The following TAF3 variants were observed in gnomAD, a reference collection of about 807,000 sequenced individuals.
TAF3 encodes TATA-box binding protein associated factor 3, also known as transcription initiation factor TFIID subunit 3.
A neutral mutation model predicts 80.6 loss-of-function variants in TAF3; 7 were observed. The observed-to-expected ratio is 0.09, with a 90% CI of 0.05 to 0.16. TAF3 has a LOEUF of 0.16. Ranked by LOEUF, TAF3 falls within the 10% of genes least tolerant of loss-of-function variation. TAF3 has a pLI of 1.00. For missense variants in TAF3, 921 were observed against 1,140.2 expected (o/e 0.81, Z 2.77); for synonymous variants, 444 against 446.1 (o/e 1.00, Z 0.06).
chr10:7,862,526 A>T (rs1321223216), intron 2 of TAF3, among the ~76,000 whole-genome samples: 1 of 152,188 alleles, frequency 6.6e-6, no homozygotes, highest in Non-Finnish European at 1.5e-5. Context: ...TAATTGAGGC[A>T]TAATTTATGT....
intron 2 of TAF3, among the ~76,000 whole-genome samples, chr10:7,915,225 A>G (rs1837698678): frequency 6.6e-6 from 1 of 150,536 alleles, no homozygotes. Flanking sequence ...CGGGCAGGGC[A>G]TGAGCCACTG....
At chr10:7,838,430 A>G (rs999365182) in intron 2 of TAF3, among the ~76,000 whole-genome samples, 6 of 152,022 alleles carry the variant, frequency 3.9e-5, no homozygotes, top group African/African-American at 1.2e-4. Flanking sequence ...TGCCCAGGCC[A>G]GAGTGCAGTG....
At chr10:7,930,548 T>G (rs2131196861) in intron 2 of TAF3, among the ~76,000 whole-genome samples, 1 of 152,306 alleles carries the variant, frequency 6.6e-6, no homozygotes, top group African/African-American at 2.4e-5. Context: ...GTACAATTGC[T>G]TCTTTTTGTT....
intron 2 of TAF3, among the ~76,000 whole-genome samples, chr10:7,961,182 A>C (rs1838186365): frequency 6.6e-6 from 1 of 152,192 alleles, no homozygotes; most frequent in Admixed American, 6.5e-5. Context: ...ACATGAAAGC[A>C]AACAGAGTTG....
rs188077732 is a variant in TAF3, at chr10:8,010,175, G to A, written c.2568+845G>A. ...ACCCATTTCTGCCTCCCAACGTGCT[G>A]AGATGACAGGCATGAACAACCATGC... On this transcript the variant is annotated intron_variant, in intron 5 of 6. Transcript: ENST00000344293. 1.2e-3 allele frequency among the ~76,000 whole-genome samples: 180 copies of A among 152,302 alleles called. 1 individual carries two copies. The highest frequency in any genetic ancestry group is 9.5e-3 in the South Asian group (46 of 4,820).
At chr10:7,895,076 A>G (rs191958138) in intron 2 of TAF3, among the ~76,000 whole-genome samples, 60 of 152,248 alleles carry the variant, frequency 3.9e-4, no homozygotes, top group Non-Finnish European at 5.9e-4. Flanking sequence ...GAGTTTCACC[A>G]TGTTTGCCAG....
chr10:7,902,849 A>C (rs921989403), intron 2 of TAF3, among the ~76,000 whole-genome samples: 20 of 152,132 alleles, frequency 1.3e-4, no homozygotes, highest in African/African-American at 4.6e-4. Context: ...TCCATTTAAG[A>C]AAAAAAGAAT....
At chr10:7,917,642 G>A (rs748171057) in intron 2 of TAF3, among the ~76,000 whole-genome samples, 9 of 152,184 alleles carry the variant, frequency 5.9e-5, no homozygotes, top group Non-Finnish European at 7.3e-5. Flanking sequence ...AGAATAGGTC[G>A]GGTTCTGAGG....
intron 2 of TAF3, among the ~76,000 whole-genome samples, chr10:7,858,833 C>CGT (rs1485648418): frequency 1.3e-5 from 2 of 151,026 alleles, no homozygotes; most frequent in Non-Finnish European, 3.0e-5. Flanking sequence ...TGTGTGCGCG[C>CGT]GCCTGCATGT....
chr10:7,945,486 C>T (rs1012966685), intron 2 of TAF3, among the ~76,000 whole-genome samples: 10 of 152,196 alleles, frequency 6.6e-5, no homozygotes, highest in Non-Finnish European at 1.0e-4. Context: ...TCTCTACCTG[C>T]CTTCCTTGGT....
intron 2 of TAF3, among the ~76,000 whole-genome samples, chr10:7,836,532 C>A (rs533849380): frequency 2.1e-4 from 32 of 152,256 alleles, no homozygotes; most frequent in South Asian, 1.2e-3. Context: ...CCTTGGCCTC[C>A]CAAAGTGCTG....
At chr10:7,935,501 G>A (rs1176486386) in intron 2 of TAF3, among the ~76,000 whole-genome samples, 3 of 148,912 alleles carry the variant, frequency 2.0e-5, no homozygotes, top group Non-Finnish European at 4.5e-5. Context: ...GGAGAATGGC[G>A]TGAACCCGGG....
intron 2 of TAF3, among the ~76,000 whole-genome samples, chr10:7,958,883 C>T (rs1838162256): frequency 6.6e-6 from 1 of 152,040 alleles, no homozygotes; most frequent in Non-Finnish European, 1.5e-5. Flanking sequence ...GCCTGTAATC[C>T]CAGCACTTTG....
At chr10:7,858,748 A>G (rs1837108150) in intron 2 of TAF3, among the ~76,000 whole-genome samples, 1 of 152,144 alleles carries the variant, frequency 6.6e-6, no homozygotes, top group South Asian at 2.1e-4. Context: ...GTTAGCAGCT[A>G]TGAATTATTT....
chr10:7,916,971 A>G (rs764119067), intron 2 of TAF3, among the ~76,000 whole-genome samples: 1 of 152,232 alleles, frequency 6.6e-6, no homozygotes, highest in Admixed American at 6.5e-5. Flanking sequence ...TCGAAAGAAC[A>G]TAGGCTTTGG....
intron 3 of TAF3, among the ~76,000 whole-genome samples, chr10:7,973,121 C>G (rs907771318): frequency 2.0e-5 from 3 of 152,154 alleles, no homozygotes; most frequent in African/African-American, 7.2e-5. Context: ...GGGAATAACA[C>G]CATCCACACC....
intron 2 of TAF3, 53 bp downstream of exon 2, chr10:7,824,613 A>G (rs1244472): frequency 1.3e-6 from 2 of 1,576,706 alleles, no homozygotes; most frequent in African/African-American, 2.7e-5. Context: ...TGGATTTTTA[A>G]TCCTCTTAGC....
At chr10:7,907,709 A>C (rs1255568318) in intron 2 of TAF3, among the ~76,000 whole-genome samples, 1 of 152,206 alleles carries the variant, frequency 6.6e-6, no homozygotes, top group Non-Finnish European at 1.5e-5. Context: ...CTCCCAGGTA[A>C]GCTCTTTCTT....
At chr10:7,894,918 C>T (rs1484205146) in intron 2 of TAF3, among the ~76,000 whole-genome samples, 1 of 152,104 alleles carries the variant, frequency 6.6e-6, no homozygotes, top group African/African-American at 2.4e-5. Context: ...CTCTGCCACC[C>T]AGGCTGGAGT....
Sources: allele counts gnomAD v4.1 joint callset (sites outside exome capture counted in the v4.1 genomes callset), GRCh38; gene constraint gnomAD v4.1.1; transcripts MANE v1.5; gene names NCBI Gene and HGNC (gene_info 2026-07-23, HGNC 2026-07-21).